The following PCDHGB2 variants were observed in gnomAD, a reference collection of about 807,000 sequenced individuals.
PCDHGB2 encodes the protein protocadherin gamma-B2.
Under a neutral mutation model 59.3 loss-of-function variants are expected in PCDHGB2, and 55 were observed. The ratio of observed to expected loss-of-function variants is 0.93; its 90% CI spans 0.75 to 1.16. PCDHGB2 has a LOEUF of 1.16. Ranked by LOEUF, PCDHGB2 falls within the 50% of genes most tolerant of loss-of-function variation. The pLI is 0.00. For missense variants in PCDHGB2, 1,228 were observed against 1,198.5 expected, an observed-to-expected ratio of 1.02 and a Z score of -0.36; for synonymous variants, 516 against 512.0, an observed-to-expected ratio of 1.01 and a Z score of -0.11.
chr5:141,410,164 C>G (rs756470415), intron 1 of PCDHGB2: 8 of 1,613,642 alleles, frequency 5.0e-6, no homozygotes, highest in South Asian at 2.2e-5. Context: ...AGCCGCCACT[C>G]TCTGCCACCG....
At chr5:141,453,430 C>A (rs1043851647) in intron 1 of PCDHGB2, among the ~76,000 whole-genome samples, 1 of 152,018 alleles carries the variant, frequency 6.6e-6, no homozygotes, top group Non-Finnish European at 1.5e-5. Flanking sequence ...CCACACCTAG[C>A]CTAGTATTCT....
At chr5:141,447,084 T>A (rs2098525776) in intron 1 of PCDHGB2, among the ~76,000 whole-genome samples, 1 of 152,186 alleles carries the variant, frequency 6.6e-6, no homozygotes, top group Non-Finnish European at 1.5e-5. Flanking sequence ...TTTTGTTGTT[T>A]AATTTTCTTT....
chr5:141,381,979 G>T (rs767842302), intron 1 of PCDHGB2, among the ~76,000 whole-genome samples: 1 of 151,486 alleles, frequency 6.6e-6, no homozygotes, highest in African/African-American at 2.4e-5. Context: ...ACAGGCGCGC[G>T]CCACCACGCC....
intron 1 of PCDHGB2, chr5:141,398,705 A>G (rs778909536): frequency 6.2e-7 from 1 of 1,613,874 alleles, no homozygotes; most frequent in Admixed American, 1.7e-5. Flanking sequence ...AAATACCCGG[A>G]ACTGGCACTG....
rs79464787 is a variant in PCDHGB2, at chr5:141,480,455, T to C, written c.2422-14352T>C. Among the ~76,000 whole-genome samples the C allele has an allele frequency of 7.4e-3, 1,134 of 152,274 alleles. 17 individuals are homozygous for C. The highest frequency in any genetic ancestry group is 0.026 in the African/African-American group (1,086 of 41,548). ...CAGCTATTACTATAATTATTTTTAT[T>C]AGTTCCTCACTCACCTAAAATCTCA... On this transcript the variant is annotated intron_variant, in intron 1 of 3. Transcript: ENST00000522605.
intron 1 of PCDHGB2, chr5:141,405,580 G>T: frequency 1.7e-6 from 1 of 591,996 alleles, no homozygotes; most frequent in South Asian, 2.1e-5. Flanking sequence ...GAGTAGCTGG[G>T]ACTACAGGCC....
rs1161188105 is a variant in PCDHGB2, at chr5:141,427,974, G to A, written c.2421+65418G>A. 9 of 1,594,458 alleles carry A rather than the reference G, an allele frequency of 5.6e-6. No individual in the cohort carries two copies. In the Admixed American group the frequency reaches 1.5e-4, roughly 27 times the overall value. ...CAATGTGCCGCGGGTGCTGTACCCC[G>A]CGCTGGGGCCCGATGGCTCCGCACT... On this transcript the variant is annotated intron_variant, in intron 1 of 3. Transcript: ENST00000522605.
intron 1 of PCDHGB2, among the ~76,000 whole-genome samples, chr5:141,402,286 C>T (rs2094248272): frequency 6.6e-6 from 1 of 151,638 alleles, no homozygotes; most frequent in Non-Finnish European, 1.5e-5. Flanking sequence ...ATAATCTATC[C>T]TTATATATGT....
At chr5:141,408,765 G>A (rs1276364659) in intron 1 of PCDHGB2, 1 of 1,611,036 alleles carries the variant, frequency 6.2e-7, no homozygotes, top group East Asian at 2.2e-5. Context: ...AATTCCGATG[G>A]TGGCAAATAC....
chr5:141,403,960 G>C (rs775638627), intron 1 of PCDHGB2: 2 of 1,613,658 alleles, frequency 1.2e-6, no homozygotes, highest in African/African-American at 1.3e-5. Flanking sequence ...TGCTCATTTC[G>C]GTGGAAGATG....
At chr5:141,484,921 T>A in intron 1 of PCDHGB2, 1 of 478,304 alleles carries the variant, frequency 2.1e-6, no homozygotes, top group South Asian at 2.8e-5. Flanking sequence ...TTAACCCTGC[T>A]GCTGTTGGGA....
intron 1 of PCDHGB2, among the ~76,000 whole-genome samples, chr5:141,450,145 T>A (rs2098671113): frequency 6.6e-6 from 1 of 151,890 alleles, no homozygotes; most frequent in South Asian, 2.1e-4. Flanking sequence ...TAGCTGGGAC[T>A]ACAGGCATGT....
intron 1 of PCDHGB2, among the ~76,000 whole-genome samples, chr5:141,471,046 CT>C (rs1170588345): frequency 0.24 from 27,253 of 113,216 alleles, 2,739 homozygotes; most frequent in African/African-American, 0.39. Context: ...CCCAAGCCCT[CT>C]TTTTTTTTTT....
At position 141,362,319 on chromosome 5, in the gene PCDHGB2, G is replaced by A. The variant is rs1561526450; in HGVS notation, c.2184G>A (p.Gln728=). Residue 728 remains glutamine (Q), a synonymous_variant, in exon 1 of 4, where the codon CAG becomes CAA. Transcript: ENST00000522605. Reference sequence around the variant, plus strand: ...GGTCAGATGCTTGGGACTGTTTTCAGCCTGGTCTCAGCTCCAAGCCTGGAC... The same window carrying A: ...GGTCAGATGCTTGGGACTGTTTTCAACCTGGTCTCAGCTCCAAGCCTGGAC... ...SSRSDAWDCF[Q]PGLSSKPGPG... 6.2e-7 allele frequency: 1 copy of A among 1,614,068 alleles called. No homozygotes were observed. The highest frequency in any genetic ancestry group is 8.5e-7 in the Non-Finnish European group (1 of 1,179,906).
At chr5:141,404,395 CA>C (rs2094524205) in intron 1 of PCDHGB2, 7 of 1,613,768 alleles carry the variant, frequency 4.3e-6, no homozygotes, top group Non-Finnish European at 5.9e-6. Flanking sequence ...ACCCTGATAG[CA>C]ATGAGAATTC....
In PCDHGB2 at chr5:141,360,347, A is replaced by G; in HGVS notation, c.212A>G (p.Glu71Gly). The G allele has an allele frequency of 6.2e-7, 1 of 1,613,970 alleles. No homozygotes were observed. Among genetic ancestry groups the G allele is most frequent in the Non-Finnish European group, 8.5e-7 (1 of 1,179,868 alleles). The change falls in exon 1 of 4, where the codon GAG (glutamate) becomes GGG (glycine). Residue 71 changes from glutamate (E) to glycine (G), a missense_variant. Glu to Gly is a moderately conservative substitution (Grantham distance 98, BLOSUM62 -2). This residue lies in a region of PCDHGB2 where 781 missense variants were observed against 721.6 expected (regional missense o/e 1.08). Transcript: ENST00000522605. ...GCCCGGAAGCTGCGGGTTAGCGCGG[A>G]GAAGGAATATTTCACAGTAAACCCA... The part of the protein sequence containing the change: ...LPARKLRVSA[E>G]KEYFTVNPES...
intron 1 of PCDHGB2, among the ~76,000 whole-genome samples, chr5:141,424,884 T>C (rs953145254): frequency 2.0e-5 from 3 of 152,186 alleles, no homozygotes; most frequent in Non-Finnish European, 4.4e-5. Flanking sequence ...AGGAGACTTA[T>C]CTAGGGTTTT....
At chr5:141,375,059 G>T in intron 1 of PCDHGB2, 3 of 1,614,038 alleles carry the variant, frequency 1.9e-6, no homozygotes, top group Non-Finnish European at 1.7e-6. Flanking sequence ...GGATGGGCCA[G>T]GTCTTCGAGA....
chr5:141,372,044 G>T (rs758767680), intron 1 of PCDHGB2: 2 of 1,613,384 alleles, frequency 1.2e-6, no homozygotes, highest in Non-Finnish European at 1.7e-6. Context: ...GCCTGCGCGT[G>T]TTGGTGGACG....
Sources: allele counts gnomAD v4.1 joint callset (sites outside exome capture counted in the v4.1 genomes callset), GRCh38; gene constraint gnomAD v4.1.1; regional missense constraint gnomAD v4.1.1; transcripts MANE v1.5; gene names NCBI Gene and HGNC (gene_info 2026-07-23, HGNC 2026-07-21).